DIS3L2: variants seen among roughly 807,000 people sequenced by gnomAD.
DIS3L2 encodes DIS3 like 3'-5' exoribonuclease 2.
Under a neutral mutation model 97.5 loss-of-function variants are expected in DIS3L2, and 34 were observed. The observed-to-expected ratio is 0.35, with a 90% CI of 0.27 to 0.46. DIS3L2 has a LOEUF of 0.46. Ranked by LOEUF, DIS3L2 falls within the 20% of genes least tolerant of loss-of-function variation. DIS3L2 has a pLI of 1.00. For missense variants in DIS3L2, 1,038 were observed against 1,146.0 expected (o/e 0.91, Z 1.36); for synonymous variants, 435 against 445.2 (o/e 0.98, Z 0.29).
At chr2:232,213,767 C>CCT (rs1692260376) in intron 10 of DIS3L2, among the ~76,000 whole-genome samples, 1 of 145,850 alleles carries the variant, frequency 6.9e-6, no homozygotes, top group South Asian at 2.4e-4. Flanking sequence ...ATATAACATA[C>CCT]CTAGTCCTTA....
At chr2:231,979,749 T>C (rs2106176352) in intron 1 of DIS3L2, among the ~76,000 whole-genome samples, 1 of 152,190 alleles carries the variant, frequency 6.6e-6, no homozygotes, top group Middle Eastern at 3.4e-3. Context: ...AGCTACTTTT[T>C]GTATTTTTAG....
intron 9 of DIS3L2, among the ~76,000 whole-genome samples, chr2:232,207,818 T>C (rs188549454): frequency 6.6e-6 from 1 of 152,336 alleles, no homozygotes; most frequent in East Asian, 1.9e-4. Context: ...TAGCTAAATA[T>C]ATGTACAAAC....
chr2:232,101,605 GT>G (rs1260221709), intron 6 of DIS3L2, among the ~76,000 whole-genome samples: 1 of 152,186 alleles, frequency 6.6e-6, no homozygotes, highest in African/African-American at 2.4e-5. Flanking sequence ...AATTCCAGTA[GT>G]TTTTATTCCC....
chr2:232,285,942 C>T (rs923042167), intron 13 of DIS3L2, among the ~76,000 whole-genome samples: 1 of 152,160 alleles, frequency 6.6e-6, no homozygotes, highest in Admixed American at 6.5e-5. Flanking sequence ...GATTGTTAAA[C>T]AAGTACACAG....
At chr2:231,972,827 C>T (rs2106166522) in intron 1 of DIS3L2, among the ~76,000 whole-genome samples, 1 of 152,238 alleles carries the variant, frequency 6.6e-6, no homozygotes, top group Non-Finnish European at 1.5e-5. Flanking sequence ...TACAGGTGTG[C>T]ACCACCATGC....
At position 232,334,479 on chromosome 2, in the gene DIS3L2, T is replaced by C. The variant is rs1298748971; in HGVS notation, c.2269T>C (p.Phe757Leu). The C allele has an allele frequency of 2.5e-6, 4 of 1,613,786 alleles. No individual in the cohort carries two copies. Among genetic ancestry groups the C allele is most frequent in the Non-Finnish European group, 2.5e-6 (3 of 1,179,996 alleles). The change falls in exon 18 of 21, where the codon TTC (phenylalanine) becomes CTC (leucine). Residue 757 changes from phenylalanine (F) to leucine (L), a missense_variant. Physicochemically the swap from Phe to Leu is conservative, Grantham distance 22. Coordinates refer to ENST00000325385, the MANE Select transcript of DIS3L2 (RefSeq NM_152383.5). The stretch of plus-strand genomic sequence containing the variant: ...CGTGCAGGAGCTCAGTACCAGTCTC[T>C]TCTTTGCTGTTCTGGTCAAGGTGAG... ...KRVQELSTSL[F>L]FAVLVKESGP...
chr2:232,332,953 T>A (rs1695788196), intron 16 of DIS3L2, among the ~76,000 whole-genome samples: 1 of 151,864 alleles, frequency 6.6e-6, no homozygotes, highest in Non-Finnish European at 1.5e-5. Context: ...CTGGGCTTTC[T>A]CTCCCTCCTC....
chr2:232,328,270 A>G (rs1695631946), intron 14 of DIS3L2, among the ~76,000 whole-genome samples: 1 of 152,172 alleles, frequency 6.6e-6, no homozygotes, highest in African/African-American at 2.4e-5. Context: ...GCCAGCCCAA[A>G]AAAGTCCCCA....
At chr2:232,247,310 G>C (rs1693278327) in intron 11 of DIS3L2, among the ~76,000 whole-genome samples, 1 of 152,262 alleles carries the variant, frequency 6.6e-6, no homozygotes, top group South Asian at 2.1e-4. Flanking sequence ...ACATGCCATA[G>C]CTTAAACAAC....
intron 13 of DIS3L2, among the ~76,000 whole-genome samples, chr2:232,286,609 A>G (rs1474791679): frequency 6.6e-6 from 1 of 152,224 alleles, no homozygotes; most frequent in South Asian, 2.1e-4. Context: ...TGTATAATAC[A>G]TCAAGAACAT....
chr2:232,081,497 T>C (rs887771254), intron 5 of DIS3L2, among the ~76,000 whole-genome samples: 1 of 147,488 alleles, frequency 6.8e-6, no homozygotes, highest in Non-Finnish European at 1.5e-5. Flanking sequence ...TTTTTTTTTT[T>C]CTTTCTTAAT....
rs776559758 is a variant in DIS3L2 at position 232,325,824 on chromosome 2, T to C, written c.1740-3989T>C. Among the ~76,000 whole-genome samples, 7 of 152,170 alleles carry C rather than the reference T, an allele frequency of 4.6e-5. No homozygotes were observed. The highest frequency in any genetic ancestry group is 1.0e-4 in the Non-Finnish European group (7 of 68,006). On this transcript the variant is annotated intron_variant, in intron 14 of 20. Transcript: ENST00000325385. The surrounding 1 kb of genome is among the most constrained non-coding windows in gnomAD (Gnocchi z 4.6). ...GCAGGGCCCAGTGATCTCACGCCTGTGCCCCTGGTGCTGGGAGGAGTGGGG... is the reference window on the plus strand; with the variant it reads ...GCAGGGCCCAGTGATCTCACGCCTGCGCCCCTGGTGCTGGGAGGAGTGGGG...
At chr2:231,995,246 T>A (rs1693699542) in intron 1 of DIS3L2, among the ~76,000 whole-genome samples, 1 of 152,228 alleles carries the variant, frequency 6.6e-6, no homozygotes, top group African/African-American at 2.4e-5. Context: ...CTTTTGACTG[T>A]AGGCATATTC....
intron 14 of DIS3L2, among the ~76,000 whole-genome samples, chr2:232,307,114 G>A (rs897790034): frequency 6.6e-6 from 1 of 152,258 alleles, no homozygotes; most frequent in African/African-American, 2.4e-5. Flanking sequence ...TCTGCTCCAT[G>A]TCAGCTCTTA....
chr2:232,046,145 A>C (rs1695236185), intron 5 of DIS3L2, among the ~76,000 whole-genome samples: 1 of 152,154 alleles, frequency 6.6e-6, no homozygotes, highest in Admixed American at 6.5e-5. Context: ...CACTATCTTC[A>C]GTCTGTAAGC....
intron 14 of DIS3L2, among the ~76,000 whole-genome samples, chr2:232,300,572 G>A (rs541216362): frequency 1.3e-5 from 2 of 151,620 alleles, no homozygotes. Context: ...TACTTACAGA[G>A]ATTTAAATTG....
chr2:232,300,892 G>A (rs1448564790), intron 14 of DIS3L2, among the ~76,000 whole-genome samples: 2 of 152,004 alleles, frequency 1.3e-5, no homozygotes, highest in African/African-American at 2.4e-5. Context: ...GAGCTCAAGC[G>A]ATTCTCCCAC....
chr2:232,026,554 C>T (rs1052593965), intron 4 of DIS3L2, among the ~76,000 whole-genome samples: 21 of 151,846 alleles, frequency 1.4e-4, no homozygotes, highest in African/African-American at 1.9e-4. Context: ...GGGGTGCCTC[C>T]GGTGGTGGGG....
intron 13 of DIS3L2, among the ~76,000 whole-genome samples, chr2:232,265,450 C>G (rs1347895842): frequency 6.6e-6 from 1 of 152,240 alleles, no homozygotes; most frequent in Non-Finnish European, 1.5e-5. Context: ...ATATCTCAGC[C>G]AGTGCTCATC....
Sources: allele counts gnomAD v4.1 joint callset (sites outside exome capture counted in the v4.1 genomes callset), GRCh38; gene constraint gnomAD v4.1.1; non-coding constraint Gnocchi (gnomAD v3.1); transcripts MANE v1.5; gene names NCBI Gene and HGNC (gene_info 2026-07-23, HGNC 2026-07-21).